The following CNTLN variants were observed in gnomAD, a reference collection of about 807,000 sequenced individuals.
The protein encoded by CNTLN is centlein, also known as centlein, centrosomal protein.
CNTLN carries 212 observed loss-of-function variants against 180.0 expected under a neutral mutation model. The observed-to-expected ratio is 1.18, with a 90% CI of 1.05 to 1.32. CNTLN has a LOEUF of 1.32. Among genes scored for constraint, CNTLN ranks in the 40% most tolerant of loss-of-function variants. The probability of loss-of-function intolerance (pLI) is 0.00; values close to 1 mark genes in which losing one functional copy is unlikely to be tolerated. For synonymous variants in CNTLN, 722 were observed against 563.1 expected (o/e 1.28, Z -3.99); for missense variants, 2,095 against 1,610.9 (o/e 1.30, Z -5.14).
intron 9 of CNTLN, among the ~76,000 whole-genome samples, chr9:17,331,208 TATG>T (rs1357583873): frequency 2.0e-5 from 3 of 151,918 alleles, no homozygotes; most frequent in African/African-American, 7.2e-5. Flanking sequence ...TTCAATCAGA[TATG>T]ATGTTTAAAA....
chr9:17,487,231 C>T, intron 25 of CNTLN, 165 bp downstream of exon 25: 1 of 616,890 alleles, frequency 1.6e-6, no homozygotes, highest in Non-Finnish European at 2.9e-6. Context: ...TCTATTTGTA[C>T]TTTGGGACTT....
chr9:17,246,693 G>A (rs1166861630), intron 5 of CNTLN, among the ~76,000 whole-genome samples: 1 of 152,144 alleles, frequency 6.6e-6, no homozygotes, highest in African/African-American at 2.4e-5. Context: ...CCTGGAGTCG[G>A]GAAAAGTAGG....
intron 2 of CNTLN, among the ~76,000 whole-genome samples, chr9:17,179,200 C>T (rs1180958376): frequency 2.1e-5 from 3 of 145,454 alleles, no homozygotes; most frequent in Non-Finnish European, 4.5e-5. Flanking sequence ...GCCGAGATCC[C>T]GCCACTGCAC....
At chr9:17,419,601 A>G (rs563146877) in intron 18 of CNTLN, among the ~76,000 whole-genome samples, 20 of 152,302 alleles carry the variant, frequency 1.3e-4, no homozygotes, top group African/African-American at 4.8e-4. Flanking sequence ...GCATTCAAAC[A>G]TGAGAAATTA....
rs1433159644 is a variant in CNTLN at position 17,332,382 on chromosome 9, C to CAATGTA, written c.1519-212_1519-207dup. On this transcript the variant is annotated intron_variant, in intron 9 of 25. Transcript: ENST00000380647. ...TGGGACATCATTATTCTGAAAGAAA[C>CAATGTA]AATGTAAATGTAAATGAATATTCTC... Among the ~76,000 whole-genome samples, 13 of 151,928 alleles carry CAATGTA rather than the reference C, an allele frequency of 8.6e-5. No individual in the cohort carries two copies. The East Asian group carries it at 2.5e-3, about 29-fold the overall frequency.
At chr9:17,321,600 G>T (rs1391018755) in intron 8 of CNTLN, among the ~76,000 whole-genome samples, 1 of 152,178 alleles carries the variant, frequency 6.6e-6, no homozygotes, top group Non-Finnish European at 1.5e-5. Flanking sequence ...GTCAGTAGTA[G>T]TTAGCTTTAT....
intron 6 of CNTLN, among the ~76,000 whole-genome samples, chr9:17,294,192 TA>T (rs2132724357): frequency 6.6e-6 from 1 of 151,698 alleles, no homozygotes; most frequent in South Asian, 2.1e-4. Flanking sequence ...CAGCAAGATT[TA>T]TTGCAAAGAG....
intron 8 of CNTLN, among the ~76,000 whole-genome samples, chr9:17,328,382 C>G (rs1238429446): frequency 6.6e-6 from 1 of 152,106 alleles, no homozygotes; most frequent in African/African-American, 2.4e-5. Flanking sequence ...TAATTCTTTG[C>G]TTTTCGTGAA....
chr9:17,210,955 C>G (rs200175561), intron 2 of CNTLN, among the ~76,000 whole-genome samples: 28 of 151,910 alleles, frequency 1.8e-4, no homozygotes, highest in African/African-American at 3.9e-4. Flanking sequence ...CTGGATATTA[C>G]CCCTTTGTCA....
At chr9:17,470,478 CTT>C (rs1395199985) in intron 23 of CNTLN, among the ~76,000 whole-genome samples, 3 of 151,810 alleles carry the variant, frequency 2.0e-5, no homozygotes. Flanking sequence ...TCCCTTTAGT[CTT>C]TTCATTTATT....
rs371579399 is a variant in CNTLN, at chr9:17,490,394, A to G, written c.4119+3328A>G. The stretch of plus-strand genomic sequence containing the variant: ...ACCAAAAGATGGGTGAGTTTAATAT[A>G]CTACATGAGGAGAGAAAGATAATGA... On this transcript the variant is annotated intron_variant, in intron 25 of 25. Transcript: ENST00000380647. 1.2e-3 allele frequency among the ~76,000 whole-genome samples: 177 copies of G among 152,246 alleles called. 5 individuals are homozygous for G. The South Asian group carries it at 0.028, about 24-fold the overall frequency.
intron 7 of CNTLN, among the ~76,000 whole-genome samples, chr9:17,303,368 CAGA>C (rs1554683208): frequency 6.6e-6 from 1 of 152,134 alleles, no homozygotes; most frequent in Non-Finnish European, 1.5e-5. Context: ...AAATGTTATT[CAGA>C]AGATTTCATT....
At chr9:17,183,481 T>G (rs1821244755) in intron 2 of CNTLN, among the ~76,000 whole-genome samples, 1 of 151,984 alleles carries the variant, frequency 6.6e-6, no homozygotes, top group Admixed American at 6.5e-5. Context: ...TTTTTTCTAT[T>G]TGTTTTTTTT....
At chr9:17,491,470 T>C (rs1462745495) in intron 25 of CNTLN, among the ~76,000 whole-genome samples, 1 of 152,092 alleles carries the variant, frequency 6.6e-6, no homozygotes, top group South Asian at 2.1e-4. Context: ...TATTACATAG[T>C]TATAACCAGA....
intron 2 of CNTLN, among the ~76,000 whole-genome samples, chr9:17,204,511 C>G (rs769960309): frequency 5.3e-5 from 8 of 152,144 alleles, no homozygotes; most frequent in Non-Finnish European, 1.0e-4. Context: ...GGCTGGAGAA[C>G]AGCAGTGATT....
At chr9:17,275,973 G>T (rs1220572719) in intron 6 of CNTLN, among the ~76,000 whole-genome samples, 1 of 152,056 alleles carries the variant, frequency 6.6e-6, no homozygotes, top group Non-Finnish European at 1.5e-5. Flanking sequence ...AGACACTGTG[G>T]ACTACTAGAC....
chr9:17,262,882 C>T (rs10962964), intron 5 of CNTLN, among the ~76,000 whole-genome samples: 35,577 of 150,766 alleles, frequency 0.24, 5,469 homozygotes, highest in African/African-American at 0.37. Context: ...GGGTGTGTTC[C>T]GTCAATACCT....
chr9:17,249,574 C>A (rs1826014491), intron 5 of CNTLN, among the ~76,000 whole-genome samples: 1 of 152,006 alleles, frequency 6.6e-6, no homozygotes, highest in Non-Finnish European at 1.5e-5. Flanking sequence ...TGGTCTTGAT[C>A]TCCTGATCTC....
chr9:17,495,264 G>A (rs577496359), intron 25 of CNTLN, among the ~76,000 whole-genome samples: 1 of 152,046 alleles, frequency 6.6e-6, no homozygotes, highest in East Asian at 1.9e-4. Flanking sequence ...ACAGCCTAAG[G>A]CAGGTCCTTC....
Sources: gnomAD v4.1 joint callset for allele counts (sites outside exome capture counted in the v4.1 genomes callset) on GRCh38, gnomAD v4.1.1 for gene constraint, MANE v1.5 for transcripts, NCBI Gene and HGNC (gene_info 2026-07-23, HGNC 2026-07-21) for gene names.